Variants in OTOF observed in about 807,000 individuals in gnomAD.
OTOF encodes fer-1-like family member 2.
OTOF carries 218 observed loss-of-function variants against 236.8 expected under a neutral mutation model. That is an observed-to-expected ratio of 0.92 (90% CI 0.82 to 1.03). The LOEUF (loss-of-function observed/expected upper bound fraction) is 1.03. OTOF is among the 50% of genes least tolerant of loss of function. OTOF has a pLI of 0.00. For missense variants in OTOF, 2,590 were observed against 2,694.4 expected, an observed-to-expected ratio of 0.96 and a Z score of 0.86; for synonymous variants, 1,041 against 1,072.5, an observed-to-expected ratio of 0.97 and a Z score of 0.57.
At chr2:26,472,291 CAT>C in intron 30 of OTOF, 1 of 592,724 alleles carries the variant, frequency 1.7e-6, no homozygotes, top group Non-Finnish European at 3.1e-6. Context: ...ACACCACACA[CAT>C]GCGCACACAC....
chr2:26,538,799 A>C (rs1432023700), intron 1 of OTOF, among the ~76,000 whole-genome samples: 1 of 148,274 alleles, frequency 6.7e-6, no homozygotes, highest in Non-Finnish European at 1.5e-5. Context: ...ACAGGGCACC[A>C]GTGCAAGGGA....
chr2:26,551,238 G>A (rs1033364443), intron 1 of OTOF, among the ~76,000 whole-genome samples: 11 of 152,158 alleles, frequency 7.2e-5, no homozygotes, highest in African/African-American at 1.2e-4. Flanking sequence ...GATCCCCCCC[G>A]CCTTGGCCTC....
chr2:26,495,243 G>A (rs1665953381), intron 8 of OTOF, among the ~76,000 whole-genome samples, 170 bp from the exon 9 acceptor site: 1 of 152,048 alleles, frequency 6.6e-6, no homozygotes, highest in South Asian at 2.1e-4. Flanking sequence ...GGTGATCCTG[G>A]CTCTTTCTCC....
chr2:26,492,783 A>G (rs1347111330), intron 9 of OTOF, among the ~76,000 whole-genome samples: 3 of 152,206 alleles, frequency 2.0e-5, no homozygotes, highest in Non-Finnish European at 2.9e-5. Context: ...ACTGCAGAGA[A>G]AGGGGAGTGC....
In OTOF at chr2:26,487,879, G is replaced by A. The variant is rs150822594; in HGVS notation, c.1045+1332C>T. On this transcript the variant is annotated intron_variant, in intron 11 of 46. Coordinates refer to ENST00000272371, the MANE Select transcript of OTOF (RefSeq NM_194248.3). The stretch of plus-strand genomic sequence containing the variant: ...CTGATGGTCAGCAGGGCTGCCCTCC[G>A]CTGAGGGCTATGGCATGTGTGGGGT... Among the ~76,000 whole-genome samples, 699 of 152,308 alleles carry A rather than the reference G, an allele frequency of 4.6e-3. 3 individuals are homozygous for A. The highest frequency in any genetic ancestry group is 0.016 in the African/African-American group (661 of 41,584).
chr2:26,506,340 C>T (rs150050533), intron 5 of OTOF, among the ~76,000 whole-genome samples: 106 of 152,360 alleles, frequency 7.0e-4, no homozygotes, highest in African/African-American at 2.3e-3. Context: ...TTGGCCCTTC[C>T]GCATGTGTGA....
At chr2:26,502,625 T>A (rs1403734525) in intron 6 of OTOF, among the ~76,000 whole-genome samples, 199 bp from the exon 7 acceptor site, 3 of 152,172 alleles carry the variant, frequency 2.0e-5, no homozygotes, top group Admixed American at 2.0e-4. Flanking sequence ...CCATTATGTC[T>A]GGTCTTGCCT....
At chr2:26,554,392 C>T (rs1667536328) in intron 1 of OTOF, among the ~76,000 whole-genome samples, 1 of 152,026 alleles carries the variant, frequency 6.6e-6, no homozygotes, top group Non-Finnish European at 1.5e-5. Flanking sequence ...GAACTCAAAC[C>T]CATGACACAG....
At chr2:26,518,718 C>A (rs1429938136) in intron 4 of OTOF, among the ~76,000 whole-genome samples, 1 of 152,248 alleles carries the variant, frequency 6.6e-6, no homozygotes, top group Non-Finnish European at 1.5e-5. Flanking sequence ...AAAGGAGCCT[C>A]TTTAGTGACT....
chr2:26,476,190 T>C lies in OTOF; in HGVS notation c.2804A>G (p.Glu935Gly). Residue 935 changes from glutamate to glycine, a missense_variant, in exon 23 of 47, where the codon GAG becomes GGG. By Grantham distance (98) the Glu-to-Gly change is moderately conservative (BLOSUM62 -2). This residue lies in a region of OTOF where 1,379 missense variants were observed against 1,341.6 expected (regional missense o/e 1.03). Transcript: ENST00000272371. ...FLCGLPCGFQEVKAAQGLGLH... is the reference protein window; with the variant it reads ...FLCGLPCGFQGVKAAQGLGLH... Reference sequence around the variant, plus strand: ...GCCCAGGCCCTGGGCTGCCTTGACCTCCTGGAAGCCACAGGGCAGGCCGCA... The same window carrying C: ...GCCCAGGCCCTGGGCTGCCTTGACCCCCTGGAAGCCACAGGGCAGGCCGCA... 1 of 1,610,872 alleles carries C rather than the reference T, an allele frequency of 6.2e-7. No homozygotes were observed. Among genetic ancestry groups the C allele is most frequent in the Non-Finnish European group, 8.5e-7 (1 of 1,179,750 alleles).
chr2:26,472,851 G>A (rs1432811513), intron 29 of OTOF, among the ~76,000 whole-genome samples: 2 of 152,212 alleles, frequency 1.3e-5, no homozygotes, highest in African/African-American at 2.4e-5. Context: ...GAGGCCGGTG[G>A]GAGGGAGGTG....
In OTOF at chr2:26,460,233, A is replaced by G; in HGVS notation, c.5814-28T>C. The G allele has an allele frequency of 6.4e-7, 1 of 1,570,926 alleles. No individual in the cohort carries two copies. The highest frequency in any genetic ancestry group is 1.8e-5 in the Admixed American group (1 of 55,604). Reference sequence around the variant, plus strand: ...GGAGTATGAAGGGTAGAGAGCGCAGAGGAGGGACAGGGAGGAGAAGGGATT... The same window carrying G: ...GGAGTATGAAGGGTAGAGAGCGCAGGGGAGGGACAGGGAGGAGAAGGGATT... On this transcript the variant is annotated intron_variant, in intron 45 of 46. Transcript: ENST00000272371. The surrounding 1 kb of genome is among the most constrained non-coding windows in gnomAD (Gnocchi z 5.3).
chr2:26,481,146 G>T (rs1665531636), intron 14 of OTOF, 137 bp from the exon 15 acceptor site: 1 of 672,158 alleles, frequency 1.5e-6, no homozygotes, highest in African/African-American at 1.8e-5. Context: ...TTCAGGTGTG[G>T]GGCAGCCTTC....
intron 9 of OTOF, 40 bp downstream of exon 9, chr2:26,494,902 C>T: frequency 1.2e-6 from 2 of 1,613,486 alleles, no homozygotes. Flanking sequence ...CACCCTCCTG[C>T]CATATTTACA....
chr2:26,518,442 G>A (rs983817627), intron 4 of OTOF, among the ~76,000 whole-genome samples: 5 of 152,224 alleles, frequency 3.3e-5, no homozygotes, highest in African/African-American at 7.2e-5. Context: ...GAGTGGCCAC[G>A]GCTGAGCTCA....
In OTOF at chr2:26,558,581, G is replaced by A. The variant is rs1398161037; in HGVS notation, c.-10C>T. On this transcript the variant is annotated 5_prime_UTR_variant, in exon 1 of 47. Transcript: ENST00000272371. Reference sequence around the variant, plus strand: ...GGATGAGCAAGGCCATGCTGGTGTGGGCTGCCTGGCACTGCCAGGCAGGAG... The same window carrying A: ...GGATGAGCAAGGCCATGCTGGTGTGAGCTGCCTGGCACTGCCAGGCAGGAG... 2 of 1,612,778 alleles carry A rather than the reference G, an allele frequency of 1.2e-6. No homozygotes were observed. The highest frequency in any genetic ancestry group is 8.5e-7 in the Non-Finnish European group (1 of 1,179,104).
chr2:26,476,008 A>G lies in OTOF; in HGVS notation c.2897T>C (p.Met966Thr). Residue 966 changes from methionine to threonine, a missense_variant, in exon 24 of 47, where the codon ATG becomes ACG. By Grantham distance (81) the Met-to-Thr change is moderately conservative. This residue lies in a region of OTOF where 1,379 missense variants were observed against 1,341.6 expected (regional missense o/e 1.03). Transcript: ENST00000272371. ...GGCAAAGAGGCTGCGGGCCTGGTAC[A>G]TGTGCGCTCGGAGCTGGAACGCCTG... ...KKQAFQLRAH[M>T]YQARSLFAAD... 5 of 1,612,560 alleles carry G rather than the reference A, an allele frequency of 3.1e-6. No homozygotes were observed. Among genetic ancestry groups the G allele is most frequent in the Non-Finnish European group, 4.2e-6 (5 of 1,179,898 alleles).
Position 26,477,481 on chromosome 2 carries a change from C to T in OTOF, c.2341G>A (p.Asp781Asn), listed in dbSNP as rs896677837. 1.2e-6 allele frequency: 2 copies of T among 1,603,614 alleles called. No individual in the cohort carries two copies. Among genetic ancestry groups the T allele is most frequent in the East Asian group, 4.5e-5 (2 of 44,528 alleles). ...CTGGTGCGGGATGAGTGGCCCTGGT[C>T]CTTGTCAGCGAGGGAGAGGAAGCGG... ...CCRFLSLADK[D>N]QGHSSRTRLD... The change falls in exon 20 of 47, where the codon GAC becomes AAC. Residue 781 changes from aspartate (D) to asparagine (N), a missense_variant. Transcript: ENST00000272371. The surrounding 1 kb of genome is among the most constrained non-coding windows in gnomAD (Gnocchi z 4.7).
chr2:26,489,654 G>T (rs372281656), intron 10 of OTOF, 24 bp downstream of exon 10: 2 of 1,602,470 alleles, frequency 1.2e-6, no homozygotes, highest in Non-Finnish European at 1.7e-6. Context: ...TGGCCCTGCC[G>T]GCCAGGGGCT....
Sources: gnomAD v4.1 joint callset for allele counts (sites outside exome capture counted in the v4.1 genomes callset) on GRCh38, gnomAD v4.1.1 for gene constraint, gnomAD v4.1.1 regional missense constraint, Gnocchi (gnomAD v3.1) non-coding constraint, MANE v1.5 for transcripts, NCBI Gene and HGNC (gene_info 2026-07-23, HGNC 2026-07-21) for gene names.